The following ARHGEF28 variants were observed in gnomAD, a reference collection of about 807,000 sequenced individuals.
ARHGEF28 encodes Rho guanine nucleotide exchange factor 28.
Under a neutral mutation model 206.6 loss-of-function variants are expected in ARHGEF28, and 152 were observed. The ratio of observed to expected loss-of-function variants is 0.74; its 90% CI spans 0.64 to 0.84. The LOEUF (loss-of-function observed/expected upper bound fraction) is 0.84. ARHGEF28 is among the 40% of genes least tolerant of loss of function. The probability of loss-of-function intolerance (pLI) is 0.00; values close to 1 mark genes in which losing one functional copy is unlikely to be tolerated. For missense variants in ARHGEF28, 2,028 were observed against 2,073.2 expected (o/e 0.98, Z 0.42); for synonymous variants, 763 against 776.4 (o/e 0.98, Z 0.29).
At chr5:73,819,772 C>G (rs1269522389) in intron 9 of ARHGEF28, among the ~76,000 whole-genome samples, 1 of 152,154 alleles carries the variant, frequency 6.6e-6, no homozygotes, top group South Asian at 2.1e-4. Flanking sequence ...ATACATCTCC[C>G]TCCCTCCCTC....
At chr5:73,749,624 C>T (rs1204282081) in intron 2 of ARHGEF28, among the ~76,000 whole-genome samples, 3 of 152,184 alleles carry the variant, frequency 2.0e-5, no homozygotes, top group Non-Finnish European at 2.9e-5. Flanking sequence ...ACAGAACAAA[C>T]CAGCTCTGAT....
intron 35 of ARHGEF28, among the ~76,000 whole-genome samples, chr5:73,931,496 A>AT (rs1447816536): frequency 6.6e-6 from 1 of 151,492 alleles, no homozygotes; most frequent in Non-Finnish European, 1.5e-5. Flanking sequence ...ATATCCTCTG[A>AT]TTTTTCTGTT....
chr5:73,684,808 A>G, intron 1 of ARHGEF28, 33 bp from the exon 2 acceptor site: 1 of 1,599,366 alleles, frequency 6.3e-7, no homozygotes, highest in Non-Finnish European at 8.5e-7. Context: ...GGCCTCCTGC[A>G]ATAACTTCTC....
chr5:73,814,531 T>C (rs1417715539), intron 9 of ARHGEF28, among the ~76,000 whole-genome samples: 1 of 152,088 alleles, frequency 6.6e-6, no homozygotes, highest in Non-Finnish European at 1.5e-5. Context: ...TAAGATAGTG[T>C]GTAATCCTTC....
At chr5:73,922,633 A>ATG (rs1469033597) in intron 35 of ARHGEF28, among the ~76,000 whole-genome samples, 1 of 152,076 alleles carries the variant, frequency 6.6e-6, no homozygotes, top group Non-Finnish European at 1.5e-5. Context: ...AAACCCTTGG[A>ATG]TGTGTGTATA....
chr5:73,865,000 A>G (rs1759623844), intron 17 of ARHGEF28, 128 bp downstream of exon 17: 2 of 774,760 alleles, frequency 2.6e-6, no homozygotes, highest in Non-Finnish European at 4.1e-6. Context: ...ATAACATAAC[A>G]TATGCTCAAA....
At chr5:73,778,363 G>C (rs1170670387) in intron 6 of ARHGEF28, 2 of 152,180 alleles carry the variant, frequency 1.3e-5, no homozygotes, top group African/African-American at 4.8e-5. Flanking sequence ...ATACATTTGA[G>C]ATAATACTGA....
intron 10 of ARHGEF28, among the ~76,000 whole-genome samples, chr5:73,837,703 CT>C (rs1757733919): frequency 4.7e-5 from 7 of 149,428 alleles, no homozygotes; most frequent in Admixed American, 6.7e-5. Flanking sequence ...CGTTCTCTTT[CT>C]TTCTTTCTTC....
chr5:73,717,521 A>G (rs1038076960), intron 2 of ARHGEF28, among the ~76,000 whole-genome samples: 1 of 152,220 alleles, frequency 6.6e-6, no homozygotes, highest in Non-Finnish European at 1.5e-5. Flanking sequence ...AATGATTACA[A>G]TAACTTAAGT....
At chr5:73,920,733 C>T (rs775616066) in intron 35 of ARHGEF28, among the ~76,000 whole-genome samples, 3 of 152,054 alleles carry the variant, frequency 2.0e-5, no homozygotes, top group Non-Finnish European at 4.4e-5. Context: ...CATCTCTTTA[C>T]ATGAGTTATT....
At chr5:73,666,114 C>G (rs1745937929) in intron 1 of ARHGEF28, among the ~76,000 whole-genome samples, 1 of 152,142 alleles carries the variant, frequency 6.6e-6, no homozygotes, top group African/African-American at 2.4e-5. Flanking sequence ...ATAGACATTC[C>G]CTTTCCAAGA....
intron 16 of ARHGEF28, among the ~76,000 whole-genome samples, chr5:73,858,589 A>G (rs749110444): frequency 2.6e-5 from 4 of 152,094 alleles, no homozygotes; most frequent in Admixed American, 6.5e-5. Flanking sequence ...CCATTTTCTC[A>G]CATCCCACAT....
Position 73,801,320 on chromosome 5 carries a change from G to A in ARHGEF28, c.1024+5929G>A, listed in dbSNP as rs548586149. Among the ~76,000 whole-genome samples, 168 of 152,146 alleles carry A rather than the reference G, an allele frequency of 1.1e-3. 1 individual carries two copies. Among genetic ancestry groups the A allele is most frequent in the Admixed American group, 2.1e-3 (32 of 15,274 alleles). ...AAATTAGCCAGGCGTGGTGGTAGGC[G>A]CCTGTAATCCCAGCTACTTGGGAGG... On this transcript the variant is annotated intron_variant, in intron 9 of 35. Coordinates refer to ENST00000513042, the MANE Select transcript of ARHGEF28 (RefSeq NM_001177693.2).
At chr5:73,686,733 A>G (rs1747501499) in intron 2 of ARHGEF28, among the ~76,000 whole-genome samples, 1 of 151,968 alleles carries the variant, frequency 6.6e-6, no homozygotes, top group Non-Finnish European at 1.5e-5. Context: ...CGTGTTAGCC[A>G]GGATGGTCTC....
intron 1 of ARHGEF28, among the ~76,000 whole-genome samples, chr5:73,666,018 A>G (rs746169889): frequency 1.3e-4 from 20 of 152,202 alleles, no homozygotes; most frequent in Non-Finnish European, 1.9e-4. Flanking sequence ...GGCATGATTC[A>G]CCCTGAGGCA....
intron 11 of ARHGEF28, among the ~76,000 whole-genome samples, chr5:73,843,904 A>G (rs1758139904): frequency 6.6e-6 from 1 of 152,204 alleles, no homozygotes; most frequent in East Asian, 1.9e-4. Flanking sequence ...CACACCATGA[A>G]CGTCCCCTAT....
chr5:73,738,425 A>T (rs1470748753), intron 2 of ARHGEF28, among the ~76,000 whole-genome samples: 1 of 151,972 alleles, frequency 6.6e-6, no homozygotes, highest in Non-Finnish European at 1.5e-5. Context: ...GATTCCCAGT[A>T]TCTTACAATG....
At chr5:73,635,060 T>C (rs1743608719) in intron 1 of ARHGEF28, among the ~76,000 whole-genome samples, 1 of 152,182 alleles carries the variant, frequency 6.6e-6, no homozygotes, top group Non-Finnish European at 1.5e-5. Context: ...AAGCCATTCA[T>C]GGGCCGGGTG....
chr5:73,788,536 A>T (rs1407117944), intron 7 of ARHGEF28, among the ~76,000 whole-genome samples: 1 of 152,204 alleles, frequency 6.6e-6, no homozygotes, highest in African/African-American at 2.4e-5. Context: ...TCGTATAATA[A>T]GGTAAGCTAG....
Sources: gnomAD v4.1 joint callset for allele counts (sites outside exome capture counted in the v4.1 genomes callset) on GRCh38, gnomAD v4.1.1 for gene constraint, MANE v1.5 for transcripts, NCBI Gene and HGNC (gene_info 2026-07-23, HGNC 2026-07-21) for gene names.